KIAA0825: variants seen among roughly 807,000 people sequenced by gnomAD.
KIAA0825 encodes KIAA0825.
KIAA0825 carries 119 observed loss-of-function variants against 147.6 expected under a neutral mutation model. The ratio of observed to expected loss-of-function variants is 0.81; its 90% CI spans 0.69 to 0.94. KIAA0825 has a LOEUF of 0.94. Among genes scored for constraint, KIAA0825 ranks in the 40% least tolerant of loss-of-function variants. The pLI is 0.00. For missense variants in KIAA0825, 1,381 were observed against 1,472.7 expected (o/e 0.94, Z 1.02); for synonymous variants, 470 against 518.1 (o/e 0.91, Z 1.26).
intron 1 of KIAA0825, among the ~76,000 whole-genome samples, chr5:94,607,029 C>T (rs951428356): frequency 1.3e-5 from 2 of 152,112 alleles, no homozygotes; most frequent in Non-Finnish European, 1.5e-5. Flanking sequence ...CAAACACCTC[C>T]CAATAGGAGG....
At chr5:94,545,925 A>C (rs2151402631) in intron 2 of KIAA0825, among the ~76,000 whole-genome samples, 1 of 152,266 alleles carries the variant, frequency 6.6e-6, no homozygotes, top group South Asian at 2.1e-4. Flanking sequence ...CCCCAAGTCG[A>C]GGCCTAGGCT....
intron 20 of KIAA0825, among the ~76,000 whole-genome samples, chr5:94,283,268 T>C (rs1777537910): frequency 6.6e-6 from 1 of 152,102 alleles, no homozygotes; most frequent in Non-Finnish European, 1.5e-5. Flanking sequence ...GTGACAGATA[T>C]TATTTCCTTT....
chr5:94,157,860 A>G (rs998201464), intron 20 of KIAA0825, among the ~76,000 whole-genome samples: 1 of 152,156 alleles, frequency 6.6e-6, no homozygotes, highest in Non-Finnish European at 1.5e-5. Flanking sequence ...ATAGTAAAAC[A>G]TGAGGTATAT....
intron 20 of KIAA0825, among the ~76,000 whole-genome samples, chr5:94,362,686 C>G (rs1745242136): frequency 6.8e-6 from 1 of 146,296 alleles, no homozygotes. Context: ...ATCTCCTCCA[C>G]TAGATTCTGA....
chr5:94,452,729 T>C (rs1414407975), intron 13 of KIAA0825, among the ~76,000 whole-genome samples: 3 of 152,204 alleles, frequency 2.0e-5, no homozygotes, highest in Non-Finnish European at 4.4e-5. Flanking sequence ...ATTTACAGTT[T>C]TCCATTACAT....
At chr5:94,332,392 T>A (rs901055259) in intron 20 of KIAA0825, among the ~76,000 whole-genome samples, 10 of 152,008 alleles carry the variant, frequency 6.6e-5, no homozygotes, top group Admixed American at 5.2e-4. Context: ...CCACCCCCGA[T>A]AGGCCCTGGT....
chr5:94,561,422 C>T (rs180839961), intron 2 of KIAA0825, among the ~76,000 whole-genome samples: 138 of 152,288 alleles, frequency 9.1e-4, no homozygotes, highest in African/African-American at 3.2e-3. Flanking sequence ...TGGCAACCCC[C>T]AAATTTGTTG....
chr5:94,610,475 G>A (rs1168222786), intron 1 of KIAA0825, among the ~76,000 whole-genome samples: 2 of 145,706 alleles, frequency 1.4e-5, no homozygotes, highest in East Asian at 2.1e-4. Flanking sequence ...GAAAAGTCAT[G>A]ACATAGGGCT....
chr5:94,599,321 G>A (rs1052868588), intron 1 of KIAA0825, among the ~76,000 whole-genome samples: 1 of 127,938 alleles, frequency 7.8e-6, no homozygotes, highest in Non-Finnish European at 1.6e-5. Flanking sequence ...TTTAAAATCT[G>A]ATTATTTGGG....
intron 2 of KIAA0825, among the ~76,000 whole-genome samples, chr5:94,560,162 T>C (rs1777296105): frequency 6.6e-6 from 1 of 152,088 alleles, no homozygotes; most frequent in Non-Finnish European, 1.5e-5. Flanking sequence ...TTCTTGGCCA[T>C]TCTCTGAGCT....
chr5:94,503,318 C>T (rs564472541), intron 5 of KIAA0825, among the ~76,000 whole-genome samples: 13 of 152,230 alleles, frequency 8.5e-5, no homozygotes, highest in East Asian at 3.9e-4. Flanking sequence ...TATTTTATCA[C>T]TTCTTTCTCC....
intron 20 of KIAA0825, among the ~76,000 whole-genome samples, chr5:94,364,270 G>A (rs564192751): frequency 6.6e-5 from 10 of 151,972 alleles, no homozygotes; most frequent in South Asian, 4.2e-4. Context: ...GGTCTTCGAC[G>A]GGCAGAGTAG....
At chr5:94,474,560 A>T (rs1761625733) in intron 7 of KIAA0825, among the ~76,000 whole-genome samples, 1 of 152,154 alleles carries the variant, frequency 6.6e-6, no homozygotes, top group African/African-American at 2.4e-5. Flanking sequence ...TTATGATCAT[A>T]AGCCTAATTT....
intron 20 of KIAA0825, among the ~76,000 whole-genome samples, chr5:94,170,436 T>C (rs951364960): frequency 4.6e-5 from 7 of 152,236 alleles, no homozygotes; most frequent in Admixed American, 6.5e-5. Context: ...AAAATACTTA[T>C]TATCATTTTT....
intron 16 of KIAA0825, among the ~76,000 whole-genome samples, chr5:94,399,810 T>G (rs865778005): frequency 2.0e-5 from 3 of 152,054 alleles, no homozygotes; most frequent in South Asian, 4.1e-4. Context: ...TATTTGTGGT[T>G]GATAAAACAT....
chr5:94,586,791 C>G (rs60307858), intron 1 of KIAA0825, among the ~76,000 whole-genome samples: 11,119 of 152,206 alleles, frequency 0.073, 456 homozygotes, highest in South Asian at 0.11. Context: ...CAAAAATCCT[C>G]AATAAAAAAC....
rs1338994652 is a variant in KIAA0825, at chr5:94,152,657, T to TA, written c.*1349dup. Among the ~76,000 whole-genome samples the TA allele has an allele frequency of 6.8e-6, 1 of 148,090 alleles. No homozygotes were observed. The highest frequency in any genetic ancestry group is 2.5e-5 in the African/African-American group (1 of 40,194). ...TGAGACCTCATCTTTACAAAAAAATTAAAAAAAATTAACCAGGTGTGGTGG... is the reference window on the plus strand; with the variant it reads ...TGAGACCTCATCTTTACAAAAAAATTAAAAAAAAATTAACCAGGTGTGGTGG... On this transcript the variant is annotated 3_prime_UTR_variant, in exon 21 of 21. Transcript: ENST00000682413.
chr5:94,500,621 C>G (rs1001532803), intron 5 of KIAA0825, among the ~76,000 whole-genome samples: 2 of 152,030 alleles, frequency 1.3e-5, no homozygotes, highest in East Asian at 3.9e-4. Flanking sequence ...AGGGACCAAA[C>G]AAACAGGCAT....
chr5:94,364,712 AT>A (rs754553813), intron 20 of KIAA0825, among the ~76,000 whole-genome samples: 1 of 152,016 alleles, frequency 6.6e-6, no homozygotes, highest in Non-Finnish European at 1.5e-5. Context: ...CCTCTATTCT[AT>A]TTCTCATCTC....
Sources: allele counts gnomAD v4.1 joint callset (sites outside exome capture counted in the v4.1 genomes callset), GRCh38; gene constraint gnomAD v4.1.1; transcripts MANE v1.5; gene names NCBI Gene and HGNC (gene_info 2026-07-23, HGNC 2026-07-21).